Variants in IPO11 observed in about 807,000 individuals in gnomAD.
The protein encoded by IPO11 is importin-11.
A neutral mutation model predicts 143.2 loss-of-function variants in IPO11; 66 were observed. That is an observed-to-expected ratio of 0.46 (90% confidence interval 0.38 to 0.57). The LOEUF is 0.57. Ranked by LOEUF, IPO11 falls within the 20% of genes least tolerant of loss-of-function variation. The pLI is 0.00. For synonymous variants in IPO11, 385 were observed against 377.8 expected (o/e 1.02, Z -0.22); for missense variants, 1,026 against 1,141.0 (o/e 0.90, Z 1.45).
chr5:62,588,879 C>T (rs544970581), intron 27 of IPO11, among the ~76,000 whole-genome samples: 8 of 152,114 alleles, frequency 5.3e-5, no homozygotes, highest in Non-Finnish European at 1.2e-4. Flanking sequence ...TGGTCAAGGC[C>T]CTCTATTACA....
intron 27 of IPO11, among the ~76,000 whole-genome samples, chr5:62,582,355 G>GGGGA (rs1472361538): frequency 1.3e-5 from 2 of 152,196 alleles, no homozygotes; most frequent in African/African-American, 4.8e-5. Context: ...AGGCGTGGCA[G>GGGGA]GGGAGGGAGA....
At chr5:62,487,719 C>A (rs1468884124) in intron 12 of IPO11, 52 bp from the exon 13 acceptor site, 7 of 1,409,134 alleles carry the variant, frequency 5.0e-6, no homozygotes, top group South Asian at 1.8e-5. Context: ...AAGAATTAGT[C>A]AATATAGTAT....
At chr5:62,467,098 A>G (rs760799808) in intron 5 of IPO11, 33 bp from the exon 6 acceptor site, 30 of 1,588,334 alleles carry the variant, frequency 1.9e-5, no homozygotes, top group Non-Finnish European at 2.3e-5. Context: ...TGTATAATAC[A>G]CTATGAATAA....
At chr5:62,475,759 T>TAA (rs1182188575) in intron 8 of IPO11, among the ~76,000 whole-genome samples, 9 of 152,254 alleles carry the variant, frequency 5.9e-5, no homozygotes, top group Admixed American at 4.6e-4. Context: ...TCCACTGGCT[T>TAA]ATCTTTAGCA....
chr5:62,599,422 A>G (rs923717909), intron 28 of IPO11, among the ~76,000 whole-genome samples: 6 of 152,234 alleles, frequency 3.9e-5, no homozygotes, highest in Admixed American at 2.6e-4. Context: ...AATTTTGAGG[A>G]AAAATACTGT....
chr5:62,456,688 C>T (rs993811395), intron 5 of IPO11, among the ~76,000 whole-genome samples: 28 of 152,192 alleles, frequency 1.8e-4, no homozygotes, highest in African/African-American at 6.3e-4. Context: ...TTATTGAATG[C>T]TGACTGTGTA....
chr5:62,443,083 A>C lies in IPO11; in HGVS notation c.239A>C (p.His80Pro), dbSNP rs1190971041. 6.3e-7 allele frequency: 1 copy of C among 1,585,804 alleles called. No homozygotes were observed. Among genetic ancestry groups the C allele is most frequent in the Non-Finnish European group, 8.6e-7 (1 of 1,158,082 alleles). Residue 80 changes from histidine (H) to proline (P), a missense_variant and splice_region_variant, in exon 3 of 30, where the codon CAT (histidine) becomes CCT (proline). By Grantham distance (77) the His-to-Pro change is moderately conservative. Around this residue, in one of 5 missense-constraint regions of IPO11, gnomAD observed 429 missense variants for 456.3 expected, o/e 0.94. Coordinates refer to ENST00000325324, the MANE Select transcript of IPO11 (RefSeq NM_016338.5). The stretch of plus-strand genomic sequence containing the variant: ...CGCTACTGGAGACGTGTAGCACCTC[A>C]GTAAGTTCCATCACTTCCCCTATTC... ...IDRYWRRVAPHALSEEEKTTL... is the reference protein window; with the variant it reads ...IDRYWRRVAPPALSEEEKTTL...
chr5:62,610,646 G>A (rs1446894531), intron 29 of IPO11, among the ~76,000 whole-genome samples: 1 of 152,070 alleles, frequency 6.6e-6, no homozygotes, highest in African/African-American at 2.4e-5. Flanking sequence ...TCTTAGTTAA[G>A]TAATCAAATA....
At chr5:62,524,503 T>C (rs1313938184) in intron 20 of IPO11, among the ~76,000 whole-genome samples, 2 of 152,302 alleles carry the variant, frequency 1.3e-5, no homozygotes, top group East Asian at 1.9e-4. Flanking sequence ...ATATTCTTTC[T>C]TTTTTGTTTC....
intron 26 of IPO11, among the ~76,000 whole-genome samples, chr5:62,559,916 C>T (rs1348748348): frequency 5.9e-5 from 1 of 17,028 alleles, no homozygotes. Context: ...AACTCTGTCT[C>T]AAAAAAAAAA....
chr5:62,429,618 G>GTGTGTGTGTA lies in IPO11; in HGVS notation c.-6-7650_-6-7641dup, dbSNP rs1304134394. ...TGTGTGTGTGTGTGTGTGTGTGTGT[G>GTGTGTGTGTA]TGTGTGTGTATGTGTTTATTTTTGA... On this transcript the variant is annotated intron_variant, in intron 1 of 29. Transcript: ENST00000325324. Among the ~76,000 whole-genome samples the GTGTGTGTGTA allele has an allele frequency of 2.1e-4, 31 of 149,278 alleles. No homozygotes were observed. In the East Asian group the frequency reaches 2.4e-3, roughly 11 times the overall value.
intron 8 of IPO11, among the ~76,000 whole-genome samples, chr5:62,475,081 C>T (rs929017606): frequency 6.6e-6 from 1 of 152,088 alleles, no homozygotes; most frequent in Non-Finnish European, 1.5e-5. Context: ...GACTACTGTA[C>T]TGGTAATGAG....
At chr5:62,608,491 CCTTTTAAA>C (rs569816974) in intron 29 of IPO11, among the ~76,000 whole-genome samples, 320 of 152,320 alleles carry the variant, frequency 2.1e-3, no homozygotes, top group African/African-American at 7.2e-3. Context: ...CAGTCTGCCT[CCTTTTAAA>C]CTTTGTCCTG....
chr5:62,483,289 T>G lies in IPO11; in HGVS notation c.1017T>G (p.Phe339Leu). The change falls in exon 10 of 30, where the codon TTT becomes TTG. Residue 339 changes from phenylalanine (F) to leucine (L), a missense_variant. Coordinates refer to ENST00000325324, the MANE Select transcript of IPO11 (RefSeq NM_016338.5). ...ATGCTTATAAGCCATCCAAAAATTTTGAAGGTAATTCCTTTATTGGCAGTT... is the reference window on the plus strand; with the variant it reads ...ATGCTTATAAGCCATCCAAAAATTTGGAAGGTAATTCCTTTATTGGCAGTT... ...KNYAYKPSKNFEDSSPETLEA... is the reference protein window; with the variant it reads ...KNYAYKPSKNLEDSSPETLEA... 6.5e-7 allele frequency: 1 copy of G among 1,536,318 alleles called. No homozygotes were observed. The highest frequency in any genetic ancestry group is 1.2e-5 in the South Asian group (1 of 80,212).
chr5:62,505,001 G>A (rs1741505203), intron 18 of IPO11, 103 bp downstream of exon 18: 1 of 610,012 alleles, frequency 1.6e-6, no homozygotes, highest in African/African-American at 1.9e-5. Flanking sequence ...ACTTATTAAA[G>A]TTGAATTTAA....
chr5:62,559,456 C>A (rs2112362913), intron 26 of IPO11, among the ~76,000 whole-genome samples: 1 of 152,114 alleles, frequency 6.6e-6, no homozygotes, highest in South Asian at 2.1e-4. Flanking sequence ...GGAGTCAATC[C>A]TCTCAGATTC....
chr5:62,626,122 C>T (rs1022253313), intron 29 of IPO11, among the ~76,000 whole-genome samples: 33 of 152,272 alleles, frequency 2.2e-4, no homozygotes, highest in Middle Eastern at 3.4e-3. Context: ...CTCCGCATCC[C>T]AGATTCAGGC....
chr5:62,584,001 T>G (rs1744661814), intron 27 of IPO11, among the ~76,000 whole-genome samples: 2 of 152,164 alleles, frequency 1.3e-5, no homozygotes, highest in African/African-American at 4.8e-5. Context: ...TTTTTTCCAT[T>G]GAGTATTACA....
At chr5:62,596,728 C>T (rs1236020534) in intron 28 of IPO11, among the ~76,000 whole-genome samples, 3 of 151,382 alleles carry the variant, frequency 2.0e-5, no homozygotes, top group Admixed American at 1.3e-4. Flanking sequence ...TCCTAGTGAC[C>T]TCCTTAGGAA....
Sources: allele counts gnomAD v4.1 joint callset (sites outside exome capture counted in the v4.1 genomes callset), GRCh38; gene constraint gnomAD v4.1.1; regional missense constraint gnomAD v4.1.1; transcripts MANE v1.5; gene names NCBI Gene and HGNC (gene_info 2026-07-23, HGNC 2026-07-21).